VKORC1L1: variants seen among roughly 807,000 people sequenced by gnomAD.
The protein encoded by VKORC1L1 is vitamin K epoxide reductase complex subunit 1L1.
Under a neutral mutation model 18.9 loss-of-function variants are expected in VKORC1L1, and 2 were observed. The ratio of observed to expected loss-of-function variants is 0.11; its 90% CI spans 0.04 to 0.33. The LOEUF (loss-of-function observed/expected upper bound fraction) is 0.33. Ranked by LOEUF, VKORC1L1 falls within the 10% of genes least tolerant of loss-of-function variation. The probability of loss-of-function intolerance (pLI) is 1.00; values close to 1 mark genes in which losing one functional copy is unlikely to be tolerated. For synonymous variants in VKORC1L1, 96 were observed against 100.0 expected, an observed-to-expected ratio of 0.96 and a Z score of 0.24; for missense variants, 123 against 224.1, an observed-to-expected ratio of 0.55 and a Z score of 2.88.
intron 1 of VKORC1L1, among the ~76,000 whole-genome samples, chr7:65,911,109 A>G (rs760314872): frequency 1.3e-5 from 2 of 152,200 alleles, no homozygotes; most frequent in African/African-American, 4.8e-5. Flanking sequence ...GTGGTGTGGC[A>G]TCTTTTGGTC....
chr7:65,895,472 AAAAAAAAAATATATATAT>A (rs1272072751), intron 1 of VKORC1L1, among the ~76,000 whole-genome samples: 3 of 50,586 alleles, frequency 5.9e-5, no homozygotes, highest in African/African-American at 2.7e-4. Context: ...AAAAAAAAAA[AAAAAAAAAATATATATAT>A]ATATATATAT....
At chr7:65,913,806 G>A (rs1583844817) in intron 1 of VKORC1L1, among the ~76,000 whole-genome samples, 1 of 151,646 alleles carries the variant, frequency 6.6e-6, no homozygotes, top group South Asian at 2.1e-4. Flanking sequence ...TGAACATTCA[G>A]AGGTCTGATT....
At chr7:65,919,803 A>G (rs898282213) in intron 1 of VKORC1L1, among the ~76,000 whole-genome samples, 11 of 152,110 alleles carry the variant, frequency 7.2e-5, no homozygotes, top group African/African-American at 2.7e-4. Flanking sequence ...CATGCCTGTA[A>G]TCCCAGCACT....
upstream of VKORC1L1, among the ~76,000 whole-genome samples, chr7:65,872,926 C>T (rs1213936150): frequency 2.0e-5 from 3 of 151,892 alleles, no homozygotes; most frequent in East Asian, 5.9e-4. Context: ...TAAGTCCCTC[C>T]CGCACTGGCC....
intron 1 of VKORC1L1, among the ~76,000 whole-genome samples, chr7:65,909,349 A>G (rs1446873669): frequency 6.6e-6 from 1 of 151,934 alleles, no homozygotes; most frequent in Non-Finnish European, 1.5e-5. Context: ...AATACTCTTA[A>G]GTAGAGAAAC....
In VKORC1L1 at chr7:65,909,688, CTTTGTG is replaced by C. The variant is rs1486756128; in HGVS notation, c.194+36125_194+36130del. On this transcript the variant is annotated intron_variant, in intron 1 of 2. Coordinates refer to ENST00000360768, the MANE Select transcript of VKORC1L1 (RefSeq NM_173517.6). ...TGAAGCTTCTAACTTTTGTTTTAGC[CTTTGTG>C]TGTGTGTGTGTGTGTGTGTGTGTGT... 3.9e-4 allele frequency among the ~76,000 whole-genome samples: 32 copies of C among 81,134 alleles called. 1 individual carries two copies. The highest frequency in any genetic ancestry group is 1.8e-3 in the African/African-American group (31 of 17,124). 53.2% of individuals were successfully genotyped at this position (81,134 alleles called of 152,430 possible).
chr7:65,941,344 G>C (rs1790029698), intron 1 of VKORC1L1, among the ~76,000 whole-genome samples: 1 of 151,972 alleles, frequency 6.6e-6, no homozygotes, highest in African/African-American at 2.4e-5. Flanking sequence ...TTGAACTCCT[G>C]GGCTTAAGCA....
chr7:65,953,563 A>G (rs1403630342), intron 2 of VKORC1L1, among the ~76,000 whole-genome samples: 1 of 152,192 alleles, frequency 6.6e-6, no homozygotes, highest in Admixed American at 6.5e-5. Context: ...GTAATGTTTT[A>G]CCTGAAAGAT....
At chr7:65,926,855 G>C (rs1393146036) in intron 1 of VKORC1L1, among the ~76,000 whole-genome samples, 1 of 152,144 alleles carries the variant, frequency 6.6e-6, no homozygotes, top group Non-Finnish European at 1.5e-5. Flanking sequence ...CTCAGGAAGG[G>C]AAAACCAAAA....
rs1789631676 is a variant in VKORC1L1, at chr7:65,918,985, C to T, written c.195-29686C>T. Reference sequence around the variant, plus strand: ...TGGTACGTGATTGTAATCCCAGCTACTCCGGAGGCTGAGGCACAAGAATTG... The same window carrying T: ...TGGTACGTGATTGTAATCCCAGCTATTCCGGAGGCTGAGGCACAAGAATTG... On this transcript the variant is annotated intron_variant, in intron 1 of 2. Coordinates refer to ENST00000360768, the MANE Select transcript of VKORC1L1 (RefSeq NM_173517.6). 3.3e-5 allele frequency among the ~76,000 whole-genome samples: 5 copies of T among 152,272 alleles called. No individual in the cohort carries two copies. In the South Asian group the frequency reaches 1.0e-3, roughly 32 times the overall value.
the VKORC1L1 span, among the ~76,000 whole-genome samples, chr7:65,866,868 G>T: frequency 2.0e-5 from 3 of 152,062 alleles, no homozygotes; most frequent in Non-Finnish European, 4.4e-5. Context: ...AGGAGGAAGA[G>T]GAGGAGGGGG....
chr7:65,877,905 T>A (rs1473545885), intron 1 of VKORC1L1, among the ~76,000 whole-genome samples: 1 of 152,102 alleles, frequency 6.6e-6, no homozygotes, highest in Non-Finnish European at 1.5e-5. Context: ...CTGCAGAACC[T>A]GAATGTGAAA....
intron 1 of VKORC1L1, among the ~76,000 whole-genome samples, chr7:65,945,369 T>G (rs1790102326): frequency 1.3e-5 from 2 of 152,032 alleles, no homozygotes; most frequent in Admixed American, 6.5e-5. Context: ...CCCAGCACTT[T>G]GGGAGGCCGA....
At chr7:65,874,887 T>A (rs1583817279) in intron 1 of VKORC1L1, among the ~76,000 whole-genome samples, 1 of 152,330 alleles carries the variant, frequency 6.6e-6, no homozygotes, top group South Asian at 2.1e-4. Flanking sequence ...ACACTCTAAA[T>A]ATTCTCATAG....
chr7:65,895,883 C>T (rs1789201081), intron 1 of VKORC1L1, among the ~76,000 whole-genome samples: 1 of 147,258 alleles, frequency 6.8e-6, no homozygotes, highest in Admixed American at 6.8e-5. Context: ...AACTATCTTG[C>T]TATCTCACTT....
At chr7:65,926,771 C>T (rs1178111696) in intron 1 of VKORC1L1, among the ~76,000 whole-genome samples, 1 of 152,110 alleles carries the variant, frequency 6.6e-6, no homozygotes, top group Non-Finnish European at 1.5e-5. Context: ...ACTACTCAGC[C>T]ATAAAAAGGA....
chr7:65,913,904 C>G (rs1055759724), intron 1 of VKORC1L1, among the ~76,000 whole-genome samples: 3 of 151,904 alleles, frequency 2.0e-5, no homozygotes, highest in Non-Finnish European at 4.4e-5. Flanking sequence ...TTTAGGGCCT[C>G]CCTCCAGTAC....
At chr7:65,945,444 T>C (rs1790104071) in intron 1 of VKORC1L1, among the ~76,000 whole-genome samples, 1 of 151,908 alleles carries the variant, frequency 6.6e-6, no homozygotes. Flanking sequence ...ACCCCATCTC[T>C]ACTAAAAATA....
intron 1 of VKORC1L1, among the ~76,000 whole-genome samples, chr7:65,908,536 T>C (rs1054758174): frequency 6.6e-6 from 1 of 150,594 alleles, no homozygotes; most frequent in Non-Finnish European, 1.5e-5. Flanking sequence ...GAAGGCAGAG[T>C]TTTTAAAATT....
Sources: gnomAD v4.1 joint callset for allele counts (sites outside exome capture counted in the v4.1 genomes callset) on GRCh38, gnomAD v4.1.1 for gene constraint, MANE v1.5 for transcripts, NCBI Gene and HGNC (gene_info 2026-07-23, HGNC 2026-07-21) for gene names.